ARHGAP18: variants seen among roughly 807,000 people sequenced by gnomAD.
ARHGAP18 encodes the protein Rho GTPase activating protein 18.
Under a neutral mutation model 86.2 loss-of-function variants are expected in ARHGAP18, and 67 were observed. That is an observed-to-expected ratio of 0.78 (90% CI 0.64 to 0.95). The LOEUF (loss-of-function observed/expected upper bound fraction) is 0.95, where lower values mean the gene tolerates loss of function less well. Ranked by LOEUF, ARHGAP18 falls within the 40% of genes least tolerant of loss-of-function variation. The pLI, the probability that ARHGAP18 is intolerant of heterozygous loss-of-function variation, is 0.00. For missense variants in ARHGAP18, 691 were observed against 780.4 expected (o/e 0.89, Z 1.37); for synonymous variants, 283 against 280.4 (o/e 1.01, Z -0.09).
chr6:129,643,275 C>T (rs1475231330), intron 1 of ARHGAP18, among the ~76,000 whole-genome samples: 1 of 152,158 alleles, frequency 6.6e-6, no homozygotes, highest in African/African-American at 2.4e-5. Context: ...CCATAAGCCC[C>T]ATGAGTCCTG....
intron 1 of ARHGAP18, among the ~76,000 whole-genome samples, chr6:129,691,423 T>C (rs934845359): frequency 2.6e-5 from 4 of 152,202 alleles, no homozygotes; most frequent in African/African-American, 9.7e-5. Flanking sequence ...CTGTGCACTT[T>C]AACATTTTGC....
chr6:129,583,890 C>CAAA, intron 13 of ARHGAP18, 98 bp downstream of exon 13: 33 of 1,208,868 alleles, frequency 2.7e-5, no homozygotes, highest in Middle Eastern at 5.3e-4. Flanking sequence ...ACAATTAAAA[C>CAAA]AAAAAAAAAA....
At chr6:129,640,059 A>C (rs530117451) in intron 2 of ARHGAP18, among the ~76,000 whole-genome samples, 114 of 151,220 alleles carry the variant, frequency 7.5e-4, no homozygotes, top group African/African-American at 2.6e-3. Context: ...AAAAAAAAAA[A>C]AAAAACAAAC....
rs536787724 is a variant in ARHGAP18 at position 129,685,685 on chromosome 6, C to A, written c.113+24339G>T. Among the ~76,000 whole-genome samples, 60 of 152,260 alleles carry A rather than the reference C, an allele frequency of 3.9e-4. No homozygotes were observed. The South Asian group carries it at 0.01, about 26-fold the overall frequency. ...AAATTCTATTCAGACTTAAATGCAA[C>A]CATTAAATGTGCTGATCACGGTGAT... On this transcript the variant is annotated intron_variant, in intron 1 of 14. Coordinates refer to ENST00000368149, the MANE Select transcript of ARHGAP18 (RefSeq NM_033515.3).
chr6:129,686,109 T>C (rs886133215), intron 1 of ARHGAP18, among the ~76,000 whole-genome samples: 2 of 152,226 alleles, frequency 1.3e-5, no homozygotes, highest in Non-Finnish European at 1.5e-5. Context: ...AGCTCTCCCG[T>C]GATGCAGCAC....
At chr6:129,624,303 G>A (rs1280017874) in intron 5 of ARHGAP18, among the ~76,000 whole-genome samples, 1 of 152,080 alleles carries the variant, frequency 6.6e-6, no homozygotes, top group Non-Finnish European at 1.5e-5. Flanking sequence ...GGCTGAGGCA[G>A]GCGGATCACA....
At chr6:129,687,023 C>G (rs1340952332) in intron 1 of ARHGAP18, among the ~76,000 whole-genome samples, 1 of 142,740 alleles carries the variant, frequency 7.0e-6, no homozygotes, top group Non-Finnish European at 1.5e-5. Flanking sequence ...GAGGTTTCAC[C>G]ATGTTGGCCA....
chr6:129,584,455 G>A (rs1788352101), intron 12 of ARHGAP18, among the ~76,000 whole-genome samples: 1 of 152,218 alleles, frequency 6.6e-6, no homozygotes, highest in Admixed American at 6.5e-5. Flanking sequence ...GAATCAGAAA[G>A]AAGTTACTCT....
At chr6:129,643,875 C>A (rs1175342810) in intron 1 of ARHGAP18, among the ~76,000 whole-genome samples, 1 of 152,198 alleles carries the variant, frequency 6.6e-6, no homozygotes. Context: ...ATCTATCCAG[C>A]AGCTTAATTC....
At chr6:129,690,075 T>C (rs951703957) in intron 1 of ARHGAP18, among the ~76,000 whole-genome samples, 4 of 152,220 alleles carry the variant, frequency 2.6e-5, no homozygotes, top group African/African-American at 9.6e-5. Context: ...AGTCCGTTTA[T>C]AATGTTTTAT....
At chr6:129,656,525 C>T (rs1386380120) in intron 1 of ARHGAP18, among the ~76,000 whole-genome samples, 3 of 152,100 alleles carry the variant, frequency 2.0e-5, no homozygotes, top group Non-Finnish European at 4.4e-5. Context: ...CCTATAATCC[C>T]AGCTACTTGG....
chr6:129,693,546 G>A (rs114282183), intron 1 of ARHGAP18, among the ~76,000 whole-genome samples: 13,679 of 152,124 alleles, frequency 0.09, 670 homozygotes, highest in Admixed American at 0.13. Context: ...TACAGCCATG[G>A]CCCACCCCAA....
At chr6:129,655,509 C>T (rs997839585) in intron 1 of ARHGAP18, among the ~76,000 whole-genome samples, 3 of 151,508 alleles carry the variant, frequency 2.0e-5, no homozygotes, top group Non-Finnish European at 4.4e-5. Context: ...ATAGAACTTC[C>T]TTTACCATCT....
chr6:129,643,357 G>C (rs1327137418), intron 1 of ARHGAP18, among the ~76,000 whole-genome samples: 1 of 152,148 alleles, frequency 6.6e-6, no homozygotes, highest in Non-Finnish European at 1.5e-5. Context: ...TAGTGAGTGA[G>C]TTGTCATGAG....
At chr6:129,603,538 A>ACATACCTC (rs1788792478) in intron 10 of ARHGAP18, among the ~76,000 whole-genome samples, 1 of 152,198 alleles carries the variant, frequency 6.6e-6, no homozygotes, top group Admixed American at 6.6e-5. Flanking sequence ...GCTGGGTATG[A>ACATACCTC]TGTTACATCT....
At chr6:129,596,073 T>C (rs1300542889) in intron 12 of ARHGAP18, among the ~76,000 whole-genome samples, 1 of 152,190 alleles carries the variant, frequency 6.6e-6, no homozygotes, top group East Asian at 1.9e-4. Flanking sequence ...TGCTCCCTTT[T>C]AGTCTATTCT....
chr6:129,677,606 T>C (rs1369379651), intron 1 of ARHGAP18, among the ~76,000 whole-genome samples: 2 of 152,342 alleles, frequency 1.3e-5, no homozygotes, highest in East Asian at 1.9e-4. Flanking sequence ...CTTGGTTATA[T>C]TTGTGTGTGC....
At chr6:129,643,192 A>ATGCCT (rs1259172311) in intron 1 of ARHGAP18, among the ~76,000 whole-genome samples, 1 of 152,142 alleles carries the variant, frequency 6.6e-6, no homozygotes, top group Admixed American at 6.6e-5. Context: ...TTCAGCTTTG[A>ATGCCT]TGCCTTTCCT....
chr6:129,618,766 G>A lies in ARHGAP18; in HGVS notation c.873C>T (p.Ala291=). 6.2e-7 allele frequency: 1 copy of A among 1,613,642 alleles called. No individual in the cohort carries two copies. Among genetic ancestry groups the A allele is most frequent in the Non-Finnish European group, 8.5e-7 (1 of 1,179,878 alleles). ...PQDMKKVCHL[A]LIELTALYDV... ...CATAGAGGGCAGTCAGCTCAATTAG[G>A]GCTAAATGGCAAACTTTCTTCATGT... The change falls in exon 6 of 15, where the codon GCC becomes GCT. Residue 291 remains alanine (A), a synonymous_variant. Coordinates refer to ENST00000368149, the MANE Select transcript of ARHGAP18 (RefSeq NM_033515.3).
Sources: allele counts gnomAD v4.1 joint callset (sites outside exome capture counted in the v4.1 genomes callset), GRCh38; gene constraint gnomAD v4.1.1; transcripts MANE v1.5; gene names NCBI Gene and HGNC (gene_info 2026-07-23, HGNC 2026-07-21).